The following JAG2 variants were observed in gnomAD, a reference collection of about 807,000 sequenced individuals.
JAG2 encodes the protein jagged canonical Notch ligand 2.
JAG2 carries 46 observed loss-of-function variants against 141.7 expected under a neutral mutation model. That is an observed-to-expected ratio of 0.32 (90% CI 0.26 to 0.42). JAG2 has a LOEUF of 0.42. Ranked by LOEUF, JAG2 falls within the 10% of genes least tolerant of loss-of-function variation. The probability of loss-of-function intolerance (pLI) is 1.00; values close to 1 mark genes in which losing one functional copy is unlikely to be tolerated. For missense variants in JAG2, 1,500 were observed against 1,817.5 expected (o/e 0.83, Z 3.18); for synonymous variants, 862 against 763.5 (o/e 1.13, Z -2.13).
Position 105,149,243 on chromosome 14 carries a change from G to A in JAG2, c.1680C>T (p.Cys560=), listed in dbSNP as rs984457088. The change falls in exon 13 of 26, where the codon TGC becomes TGT. Residue 560 remains cysteine (C), a synonymous_variant. Coordinates refer to ENST00000331782, the MANE Select transcript of JAG2 (RefSeq NM_002226.5). ...RCYNLEGDYY[C]ACPDDFGGKN... is the part of the protein sequence containing the mutation. ...TGCCACCAAAGTCATCAGGGCAGGC[G>A]CAGTAATAGTCACCCTCCAGGTTAT... 2.1e-5 allele frequency: 34 copies of A among 1,612,460 alleles called. No individual in the cohort carries two copies. The highest frequency in any genetic ancestry group is 5.0e-5 in the Admixed American group (3 of 60,008).
chr14:105,159,042 G>A (rs1006049336), intron 2 of JAG2, among the ~76,000 whole-genome samples: 1 of 151,876 alleles, frequency 6.6e-6, no homozygotes, highest in Non-Finnish European at 1.5e-5. Context: ...CTCCCAAGAT[G>A]TCTCAGAAGA....
intron 3 of JAG2, 67 bp downstream of exon 3, chr14:105,157,639 G>T: frequency 7.4e-7 from 1 of 1,358,682 alleles, no homozygotes; most frequent in South Asian, 1.2e-5. Flanking sequence ...GCAGACAGAG[G>T]AGCTGGGCCC....
Position 105,146,457 on chromosome 14 carries a change from G to A in JAG2, c.2637C>T (p.Phe879=). 6.2e-7 allele frequency: 1 copy of A among 1,612,770 alleles called. No homozygotes were observed. Among genetic ancestry groups the A allele is most frequent in the East Asian group, 2.2e-5 (1 of 44,870 alleles). ...GRSCWSRGTP[F]PHGSSWVEDC... The stretch of plus-strand genomic sequence containing the variant: ...CTTCCACCCAGGAGCTTCCGTGTGG[G>A]AACGGAGTGCCCCGGGACCAGCAGG... Residue 879 remains phenylalanine, a synonymous_variant, in exon 22 of 26, where the codon TTC becomes TTT. Coordinates refer to ENST00000331782, the MANE Select transcript of JAG2 (RefSeq NM_002226.5).
rs1445131383 is a variant in JAG2, at chr14:105,145,644, C to T, written c.2952+87G>A. The T allele has an allele frequency of 4.7e-6, 7 of 1,504,826 alleles. No homozygotes were observed. The Admixed American group carries it at 1.2e-4, about 26-fold the overall frequency. 93.2% of individuals were successfully genotyped at this position (1,504,826 alleles called of 1,614,324 possible). On this transcript the variant is annotated intron_variant, in intron 23 of 25. Transcript: ENST00000331782. ...CTCTGCTCAGCCAACCAGGGCCTCC[C>T]TGCCCTGCGGGGCTAGGCTTTCGCC... is the stretch of plus-strand genomic sequence containing the variant.
intron 8 of JAG2, 55 bp downstream of exon 8, chr14:105,151,571 C>T: frequency 1.4e-6 from 2 of 1,469,968 alleles, no homozygotes; most frequent in South Asian, 2.4e-5. Context: ...TTGCCCCACT[C>T]CCAGACCCCC....
chr14:105,162,461 G>GCACACCCCAA (rs1725407080), intron 2 of JAG2, among the ~76,000 whole-genome samples: 1 of 151,804 alleles, frequency 6.6e-6, no homozygotes, highest in Non-Finnish European at 1.5e-5. Flanking sequence ...TTCCACCCCA[G>GCACACCCCAA]GCCAGGGCAC....
chr14:105,165,761 C>G (rs79005058), intron 2 of JAG2, among the ~76,000 whole-genome samples: 123 of 152,286 alleles, frequency 8.1e-4, no homozygotes, highest in African/African-American at 2.9e-3. Context: ...CCCTTTACTC[C>G]AAGGAGCCCA....
Position 105,157,322 on chromosome 14 carries a change from C to G in JAG2, c.475+384G>C, listed in dbSNP as rs587736946. Reference sequence around the variant, plus strand: ...TTCACCCATGGAAGTCATCCCGTTACCCCTGCAGGGCCCTGCAGAGCCCCT... The same window carrying G: ...TTCACCCATGGAAGTCATCCCGTTAGCCCTGCAGGGCCCTGCAGAGCCCCT... On this transcript the variant is annotated intron_variant, in intron 3 of 25. Transcript: ENST00000331782. Among the ~76,000 whole-genome samples the G allele has an allele frequency of 9.2e-5, 14 of 152,028 alleles. No homozygotes were observed. The South Asian group carries it at 2.7e-3, about 29-fold the overall frequency.
At chr14:105,145,695 G>A (rs1428514388) in intron 23 of JAG2, 36 bp downstream of exon 23, 5 of 1,570,498 alleles carry the variant, frequency 3.2e-6, no homozygotes, top group South Asian at 1.2e-5. Context: ...GCCGGCGTGT[G>A]GCCTCTGCAA....
At chr14:105,159,570 G>A (rs956242177) in intron 2 of JAG2, among the ~76,000 whole-genome samples, 10 of 32,492 alleles carry the variant, frequency 3.1e-4, no homozygotes, top group Non-Finnish European at 6.9e-5. Flanking sequence ...CACACCCCCC[G>A]CCGAGCTCTG....
In JAG2 at chr14:105,146,708, C is replaced by A. The variant is rs1423122376; in HGVS notation, c.2496G>T (p.Gln832His). ...PDCRINIDEC[Q>H]SSPCAYGATC... ...TGGCCCCGTAGGCACAGGGCGAGGA[C>A]TGGCACTCGTCGATGTCTGCAGGGA... is the stretch of plus-strand genomic sequence containing the variant. Residue 832 changes from glutamine (Q) to histidine (H), a missense_variant, in exon 21 of 26, where the codon CAG (glutamine) becomes CAT (histidine). This residue lies in a region of JAG2 where 875 missense variants were observed against 1,202.2 expected (regional missense o/e 0.73). Coordinates refer to ENST00000331782, the MANE Select transcript of JAG2 (RefSeq NM_002226.5). 1 of 1,612,378 alleles carries A rather than the reference C, an allele frequency of 6.2e-7. No individual in the cohort carries two copies. Among genetic ancestry groups the A allele is most frequent in the South Asian group, 1.1e-5 (1 of 91,076 alleles).
intron 2 of JAG2, 171 bp from the exon 3 acceptor site, chr14:105,157,934 G>A: frequency 2.9e-6 from 2 of 690,824 alleles, no homozygotes; most frequent in South Asian, 3.1e-5. Flanking sequence ...ATCCTCTGCA[G>A]ACCCAAAAAT....
In JAG2 at chr14:105,142,459, C is replaced by T. The variant is rs759883244; in HGVS notation, c.*236G>A. 23 of 542,646 alleles carry T rather than the reference C, an allele frequency of 4.2e-5. No individual in the cohort carries two copies. Among genetic ancestry groups the T allele is most frequent in the African/African-American group, 1.9e-4 (10 of 52,094 alleles). 33.6% of individuals were successfully genotyped at this position (542,646 alleles called of 1,614,324 possible). On this transcript the variant is annotated 3_prime_UTR_variant, in exon 26 of 26. Transcript: ENST00000331782. ...CCTTTCATACAGCGAGTGCCACGCA[C>T]GGAAACTTTACAAAAATAGCAACTA...
chr14:105,142,804 T>G lies in JAG2; in HGVS notation c.3608A>C (p.Lys1203Thr). 1 of 1,610,950 alleles carries G rather than the reference T, an allele frequency of 6.2e-7. No homozygotes were observed. Among genetic ancestry groups the G allele is most frequent in the Non-Finnish European group, 8.5e-7 (1 of 1,179,020 alleles). ...CCTCCCCGGCGAGCGGCCAGGATCTTTGGTGAATTTGTGTGAGAGGAACTT... is the reference window on the plus strand; with the variant it reads ...CCTCCCCGGCGAGCGGCCAGGATCTGTGGTGAATTTGTGTGAGAGGAACTT... ...AEKFLSHKFT[K>T]DPGRSPGRPA... Residue 1203 changes from lysine (K) to threonine (T), a missense_variant, in exon 26 of 26, where the codon AAA becomes ACA. Coordinates refer to ENST00000331782, the MANE Select transcript of JAG2 (RefSeq NM_002226.5).
intron 2 of JAG2, among the ~76,000 whole-genome samples, chr14:105,161,594 A>G (rs1365667870): frequency 3.3e-5 from 5 of 150,100 alleles, no homozygotes; most frequent in Non-Finnish European, 5.9e-5. Context: ...GGGTCCCTAC[A>G]CCTGGATGGC....
In JAG2 at chr14:105,159,728, A is replaced by G. The variant is rs369357217; in HGVS notation, c.418-1965T>C. 6.5e-3 allele frequency among the ~76,000 whole-genome samples: 155 copies of G among 23,946 alleles called. 3 individuals are homozygous for G. The highest frequency in any genetic ancestry group is 0.023 in the African/African-American group (124 of 5,326). The allele number at this position is 23,946 out of a possible 152,430, so 15.7% of individuals were successfully genotyped here. On this transcript the variant is annotated intron_variant, in intron 2 of 25. Coordinates refer to ENST00000331782, the MANE Select transcript of JAG2 (RefSeq NM_002226.5). ...ACATGCTCCATCCACACCCCCCCAG[A>G]GCTCCATCCACACCCCCCCAGGGCT...
In JAG2 at chr14:105,150,921, G is replaced by A. The variant is rs776964407; in HGVS notation, c.1382-10C>T. On this transcript the variant is annotated splice_polypyrimidine_tract_variant and intron_variant, in intron 10 of 25. Transcript: ENST00000331782. ...CGACAGTCGTTGACGTCTGGGGGCA[G>A]AGGAGCAGGGTCAGAGGCGGGGTCC... The A allele has an allele frequency of 1.3e-6, 2 of 1,596,016 alleles. No homozygotes were observed. The highest frequency in any genetic ancestry group is 1.7e-6 in the Non-Finnish European group (2 of 1,171,884).
intron 24 of JAG2, among the ~76,000 whole-genome samples, chr14:105,144,608 G>A (rs1397271845): frequency 1.3e-5 from 2 of 152,202 alleles, no homozygotes; most frequent in Admixed American, 6.5e-5. Context: ...GCCTCCCAGG[G>A]CAGACTAAGC....
In JAG2 at chr14:105,167,986, C is replaced by T. The variant is rs369874899; in HGVS notation, c.188G>A (p.Gly63Asp). ...DGRTTRAGGCGHDECDTYVRV... is the reference protein window; with the variant it reads ...DGRTTRAGGCDHDECDTYVRV... ...CACGTACGTGTCGCACTCGTCGTGG[C>T]CGCAGCCCCCCGCGCGCGTTGTCCG... is the stretch of plus-strand genomic sequence containing the variant. The change falls in exon 2 of 26, where the codon GGC (glycine) becomes GAC (aspartate). Residue 63 changes from glycine to aspartate, a missense_variant. This residue lies in a region of JAG2 where 200 missense variants were observed against 174.3 expected (regional missense o/e 1.15). Transcript: ENST00000331782. The surrounding 1 kb of genome is among the most constrained non-coding windows in gnomAD (Gnocchi z 4.8). 1.2e-6 allele frequency: 2 copies of T among 1,602,130 alleles called. No individual in the cohort carries two copies. The highest frequency in any genetic ancestry group is 1.7e-5 in the Admixed American group (1 of 59,668).
Sources: allele counts gnomAD v4.1 joint callset (sites outside exome capture counted in the v4.1 genomes callset), GRCh38; gene constraint gnomAD v4.1.1; regional missense constraint gnomAD v4.1.1; non-coding constraint Gnocchi (gnomAD v3.1); transcripts MANE v1.5; gene names NCBI Gene and HGNC (gene_info 2026-07-23, HGNC 2026-07-21).